NRG3: variants seen among roughly 807,000 people sequenced by gnomAD.
NRG3 encodes the protein pro-neuregulin-3, membrane-bound isoform.
A neutral mutation model predicts 66.9 loss-of-function variants in NRG3; 31 were observed. That is an observed-to-expected ratio of 0.46 (90% CI 0.35 to 0.63). The LOEUF (loss-of-function observed/expected upper bound fraction) is 0.63. NRG3 is among the 20% of genes least tolerant of loss of function. The pLI, the probability that NRG3 is intolerant of heterozygous loss-of-function variation, is 0.00. For synonymous variants in NRG3, 393 were observed against 359.4 expected, an observed-to-expected ratio of 1.09 and a Z score of -1.06; for missense variants, 910 against 878.9, an observed-to-expected ratio of 1.04 and a Z score of -0.45.
chr10:82,263,693 T>C (rs1405053607), intron 1 of NRG3, among the ~76,000 whole-genome samples: 1 of 152,136 alleles, frequency 6.6e-6, no homozygotes, highest in Non-Finnish European at 1.5e-5. Context: ...GTATAAATTT[T>C]TCCATAGTCG....
At chr10:81,913,446 CAG>C (rs1479975639) in intron 1 of NRG3, among the ~76,000 whole-genome samples, 2 of 151,084 alleles carry the variant, frequency 1.3e-5, no homozygotes, top group African/African-American at 4.9e-5. Flanking sequence ...TTCTTTGAGA[CAG>C]AGTCTCACTC....
chr10:82,634,297 A>G (rs934917358), intron 2 of NRG3, among the ~76,000 whole-genome samples: 2 of 152,140 alleles, frequency 1.3e-5, no homozygotes, highest in African/African-American at 2.4e-5. Flanking sequence ...GAAAAGGGTG[A>G]AGAAGACACA....
chr10:82,926,262 G>C (rs1047110692), intron 4 of NRG3, among the ~76,000 whole-genome samples: 2 of 152,168 alleles, frequency 1.3e-5, no homozygotes, highest in Non-Finnish European at 2.9e-5. Context: ...TATATAGGAG[G>C]ATATGTGTAG....
At chr10:82,850,038 A>C (rs1225122715) in intron 3 of NRG3, among the ~76,000 whole-genome samples, 4 of 152,198 alleles carry the variant, frequency 2.6e-5, no homozygotes, top group Non-Finnish European at 5.9e-5. Context: ...AGGTGAGAGA[A>C]GTGGTTGGCT....
chr10:82,689,575 A>G (rs1279658043), intron 2 of NRG3, among the ~76,000 whole-genome samples: 1 of 152,182 alleles, frequency 6.6e-6, no homozygotes, highest in Admixed American at 6.5e-5. Context: ...AAACAAGTAC[A>G]CCAAATCCTT....
intron 1 of NRG3, among the ~76,000 whole-genome samples, chr10:82,156,483 C>T (rs1250203465): frequency 1.3e-5 from 2 of 151,640 alleles, no homozygotes; most frequent in Admixed American, 1.3e-4. Context: ...AGAACAGGTA[C>T]TCTGAAACTG....
chr10:82,566,651 T>G (rs957969073), intron 2 of NRG3, among the ~76,000 whole-genome samples: 25 of 152,088 alleles, frequency 1.6e-4, no homozygotes, highest in Non-Finnish European at 5.9e-5. Context: ...CGAACTTAGA[T>G]TTGAAAAGAA....
At chr10:82,431,610 C>T (rs1004964742) in intron 2 of NRG3, among the ~76,000 whole-genome samples, 24 of 152,064 alleles carry the variant, frequency 1.6e-4, no homozygotes, top group African/African-American at 5.3e-4. Flanking sequence ...TCGGAAAGTG[C>T]TTTCAAGTCT....
chr10:82,734,264 G>A (rs564498942), intron 2 of NRG3, among the ~76,000 whole-genome samples: 50 of 152,282 alleles, frequency 3.3e-4, no homozygotes, highest in Middle Eastern at 3.4e-3. Flanking sequence ...ATAGAAGGGG[G>A]TGCTTTTTAT....
intron 2 of NRG3, among the ~76,000 whole-genome samples, chr10:82,471,146 G>C (rs1348885477): frequency 6.6e-6 from 1 of 152,158 alleles, no homozygotes. Flanking sequence ...GGTGAGAAGG[G>C]CAGGCTTTAT....
intron 2 of NRG3, among the ~76,000 whole-genome samples, chr10:82,725,893 T>G (rs1442681987): frequency 6.6e-6 from 1 of 152,162 alleles, no homozygotes; most frequent in African/African-American, 2.4e-5. Flanking sequence ...TGAATTGTAC[T>G]GCCCCTACAC....
At chr10:82,123,931 G>T (rs1205199900) in intron 1 of NRG3, among the ~76,000 whole-genome samples, 3 of 151,876 alleles carry the variant, frequency 2.0e-5, no homozygotes, top group Non-Finnish European at 2.9e-5. Flanking sequence ...AATTTCATTT[G>T]ACATCTGATA....
chr10:82,035,341 A>G (rs1397564493), intron 1 of NRG3, among the ~76,000 whole-genome samples: 1 of 152,096 alleles, frequency 6.6e-6, no homozygotes, highest in Non-Finnish European at 1.5e-5. Flanking sequence ...TAGAGATACA[A>G]AAATTCATAC....
intron 1 of NRG3, among the ~76,000 whole-genome samples, chr10:82,088,016 C>T (rs2065826702): frequency 2.0e-5 from 3 of 152,108 alleles, no homozygotes; most frequent in Non-Finnish European, 1.5e-5. Context: ...CTGTCCTCAA[C>T]TTGCTCTTCC....
At chr10:82,614,733 T>C (rs2048529081) in intron 2 of NRG3, among the ~76,000 whole-genome samples, 1 of 152,132 alleles carries the variant, frequency 6.6e-6, no homozygotes, top group African/African-American at 2.4e-5. Context: ...GAAACACTTG[T>C]TTTCTCCTGA....
chr10:82,804,542 C>A (rs1378556569), intron 3 of NRG3, among the ~76,000 whole-genome samples: 4 of 152,140 alleles, frequency 2.6e-5, no homozygotes, highest in Non-Finnish European at 4.4e-5. Context: ...TCAATAAATG[C>A]TAGCCACAAA....
At chr10:82,785,329 G>A (rs369567160) in intron 3 of NRG3, among the ~76,000 whole-genome samples, 11 of 151,014 alleles carry the variant, frequency 7.3e-5, no homozygotes, top group South Asian at 2.1e-4. Context: ...CATTGTGCAC[G>A]TGTACCCTAA....
chr10:82,554,023 A>G (rs764822275), intron 2 of NRG3, among the ~76,000 whole-genome samples: 2 of 152,184 alleles, frequency 1.3e-5, no homozygotes, highest in Non-Finnish European at 2.9e-5. Context: ...CATCTGTTAT[A>G]TGTTAGTACA....
chr10:82,474,106 T>C (rs978637849), intron 2 of NRG3, among the ~76,000 whole-genome samples: 2 of 151,902 alleles, frequency 1.3e-5, no homozygotes, highest in Admixed American at 1.3e-4. Context: ...TACCGATGAG[T>C]GAATGCCTTC....
Sources: gnomAD v4.1 joint callset for allele counts (sites outside exome capture counted in the v4.1 genomes callset) on GRCh38, gnomAD v4.1.1 for gene constraint, MANE v1.5 for transcripts, NCBI Gene and HGNC (gene_info 2026-07-23, HGNC 2026-07-21) for gene names.